Variants in FMN2 observed in about 807,000 individuals in gnomAD.
FMN2 encodes formin-2.
Under a neutral mutation model 142.3 loss-of-function variants are expected in FMN2, and 51 were observed. The ratio of observed to expected loss-of-function variants is 0.36; its 90% CI spans 0.29 to 0.45. The LOEUF is 0.45. FMN2 is among the 20% of genes least tolerant of loss of function. The pLI is 1.00. For synonymous variants in FMN2, 882 were observed against 869.8 expected (o/e 1.01, Z -0.25); for missense variants, 1,936 against 2,122.8 (o/e 0.91, Z 1.73).
intron 8 of FMN2, among the ~76,000 whole-genome samples, chr1:240,313,953 GC>G: frequency 6.6e-6 from 1 of 152,164 alleles, no homozygotes; most frequent in South Asian, 2.1e-4. Flanking sequence ...TTCAGCCTGG[GC>G]AACAGAGCAA....
Position 240,468,469 on chromosome 1 carries a change from C to T in FMN2, c.5061-3903C>T, listed in dbSNP as rs1225751044. Among the ~76,000 whole-genome samples the T allele has an allele frequency of 3.9e-5, 6 of 152,210 alleles. No homozygotes were observed. In the East Asian group the frequency reaches 9.7e-4, roughly 25 times the overall value. On this transcript the variant is annotated intron_variant, in intron 16 of 17. Coordinates refer to ENST00000319653, the MANE Select transcript of FMN2 (RefSeq NM_020066.5). ...GAAGCCTTTTGACCATCTTCAGCCC[C>T]GCTCTGGTTTCCTCTCTCAGGACAC...
intron 14 of FMN2, among the ~76,000 whole-genome samples, chr1:240,361,516 G>A (rs1010156426): frequency 2.6e-5 from 4 of 152,186 alleles, no homozygotes; most frequent in African/African-American, 9.7e-5. Context: ...TGGTACTGAA[G>A]ACAGAATAGC....
chr1:240,117,706 G>A (rs2103207689), intron 1 of FMN2, among the ~76,000 whole-genome samples: 1 of 152,314 alleles, frequency 6.6e-6, no homozygotes, highest in Middle Eastern at 3.4e-3. Flanking sequence ...TCAGGAGTTA[G>A]ATGCTGCATT....
chr1:240,270,924 C>G (rs61829191), intron 7 of FMN2, among the ~76,000 whole-genome samples: 11,458 of 151,690 alleles, frequency 0.076, 445 homozygotes, highest in South Asian at 0.097. Context: ...TGGTCTATTG[C>G]ACAGCATGGT....
intron 8 of FMN2, among the ~76,000 whole-genome samples, chr1:240,303,239 G>C (rs995540736): frequency 6.6e-6 from 1 of 152,158 alleles, no homozygotes; most frequent in Non-Finnish European, 1.5e-5. Flanking sequence ...AGTTAAAGTA[G>C]CTGACGTGCT....
chr1:240,366,780 A>T (rs1171556197), intron 14 of FMN2, among the ~76,000 whole-genome samples: 10 of 151,636 alleles, frequency 6.6e-5, no homozygotes, highest in Admixed American at 6.6e-4. Flanking sequence ...CAAACTCCCC[A>T]CCTCAGGTGA....
At chr1:240,099,844 T>C (rs1009683019) in intron 1 of FMN2, among the ~76,000 whole-genome samples, 6 of 152,304 alleles carry the variant, frequency 3.9e-5, no homozygotes, top group African/African-American at 1.4e-4. Context: ...TCTGGTCTTC[T>C]TTCTTGCCAC....
intron 16 of FMN2, among the ~76,000 whole-genome samples, chr1:240,447,301 G>A (rs772517116): frequency 7.9e-5 from 12 of 152,114 alleles, no homozygotes; most frequent in Non-Finnish European, 1.6e-4. Context: ...ATGGACATCC[G>A]TATTGAGGTA....
chr1:240,195,474 G>A (rs1366616111), intron 4 of FMN2, among the ~76,000 whole-genome samples: 2 of 152,132 alleles, frequency 1.3e-5, no homozygotes, highest in African/African-American at 4.8e-5. Flanking sequence ...CTTTGTTCAG[G>A]CTTCAGTGAT....
At chr1:240,193,529 G>A (rs1665796524) in intron 4 of FMN2, among the ~76,000 whole-genome samples, 2 of 152,220 alleles carry the variant, frequency 1.3e-5, no homozygotes, top group South Asian at 4.1e-4. Flanking sequence ...GGGAAGAAGA[G>A]TGAGTATTTC....
chr1:240,446,258 A>G (rs1193246087), intron 16 of FMN2, among the ~76,000 whole-genome samples: 2 of 152,202 alleles, frequency 1.3e-5, no homozygotes, highest in Admixed American at 6.5e-5. Flanking sequence ...ACTTTGGGAA[A>G]TCTTCAAAAT....
chr1:240,143,133 T>C, intron 2 of FMN2: 12 of 1,568,136 alleles, frequency 7.7e-6, no homozygotes, highest in Non-Finnish European at 1.1e-5. Context: ...GTTGGGGTCC[T>C]TGGCATGATA....
intron 4 of FMN2, among the ~76,000 whole-genome samples, chr1:240,206,452 A>G (rs1469070274): frequency 6.6e-6 from 1 of 152,280 alleles, no homozygotes; most frequent in East Asian, 1.9e-4. Flanking sequence ...TTCAGGGAAC[A>G]TCCTAAAAAC....
chr1:240,422,491 A>G (rs1468979920), intron 15 of FMN2, among the ~76,000 whole-genome samples: 2 of 152,024 alleles, frequency 1.3e-5, no homozygotes, highest in Admixed American at 6.6e-5. Flanking sequence ...ATACCTTAGT[A>G]TTTTATTTTT....
At chr1:240,394,235 A>G (rs1182032587) in intron 15 of FMN2, among the ~76,000 whole-genome samples, 1 of 152,200 alleles carries the variant, frequency 6.6e-6, no homozygotes, top group Non-Finnish European at 1.5e-5. Context: ...GGAACTCAAA[A>G]AAGACAAATG....
At chr1:240,388,319 A>G (rs978576957) in intron 14 of FMN2, among the ~76,000 whole-genome samples, 1 of 151,380 alleles carries the variant, frequency 6.6e-6, no homozygotes, top group African/African-American at 2.4e-5. Flanking sequence ...AAGTTATTAC[A>G]TCAAAGAAGC....
chr1:240,349,268 C>T (rs1672015114), intron 13 of FMN2, among the ~76,000 whole-genome samples: 1 of 152,162 alleles, frequency 6.6e-6, no homozygotes. Context: ...AATGTACAAA[C>T]CAGGCTTACG....
Position 240,274,823 on chromosome 1 carries a change from T to C in FMN2, c.4153+16791T>C, listed in dbSNP as rs150637189. Among the ~76,000 whole-genome samples the C allele has an allele frequency of 2.8e-3, 429 of 152,206 alleles. 1 individual carries two copies. The highest frequency in any genetic ancestry group is 5.4e-3 in the Non-Finnish European group (367 of 68,010). On this transcript the variant is annotated intron_variant, in intron 7 of 17. Coordinates refer to ENST00000319653, the MANE Select transcript of FMN2 (RefSeq NM_020066.5). The stretch of plus-strand genomic sequence containing the variant: ...GTAGACTGTGAGAAAAAGATAGGAC[T>C]CTAGGATTATTGGCCTAAGTTAATG...
intron 13 of FMN2, among the ~76,000 whole-genome samples, chr1:240,352,005 G>A (rs1572220260): frequency 6.6e-6 from 1 of 152,164 alleles, no homozygotes. Flanking sequence ...AAATAATTGT[G>A]ACCAGTAATG....
Sources: gnomAD v4.1 joint callset for allele counts (sites outside exome capture counted in the v4.1 genomes callset) on GRCh38, gnomAD v4.1.1 for gene constraint, MANE v1.5 for transcripts, NCBI Gene and HGNC (gene_info 2026-07-23, HGNC 2026-07-21) for gene names.